The following DIPK1A variants were observed in gnomAD, a reference collection of about 807,000 sequenced individuals.
DIPK1A encodes family with sequence similarity 69 member A.
In DIPK1A, 27 loss-of-function variants were observed where a neutral mutation model predicts 40.8. The ratio of observed to expected loss-of-function variants is 0.66; its 90% CI spans 0.49 to 0.91. The LOEUF is 0.91. DIPK1A is among the 40% of genes least tolerant of loss of function. DIPK1A has a pLI of 0.00. For synonymous variants in DIPK1A, 166 were observed against 171.3 expected, an observed-to-expected ratio of 0.97 and a Z score of 0.24; for missense variants, 412 against 505.7, an observed-to-expected ratio of 0.81 and a Z score of 1.78.
chr1:92,925,038 CT>C (rs769183845), intron 1 of DIPK1A, among the ~76,000 whole-genome samples: 2 of 152,150 alleles, frequency 1.3e-5, no homozygotes, highest in Non-Finnish European at 2.9e-5. Flanking sequence ...TGGTCAAATG[CT>C]TTTTCTGTGT....
intron 1 of DIPK1A, among the ~76,000 whole-genome samples, chr1:92,890,603 G>A (rs1648820865): frequency 6.6e-6 from 1 of 152,282 alleles, no homozygotes; most frequent in South Asian, 2.1e-4. Flanking sequence ...TTCTGTTAAT[G>A]TGATGTATCA....
At chr1:92,959,681 G>A (rs1343082427) in intron 1 of DIPK1A, among the ~76,000 whole-genome samples, 2 of 151,248 alleles carry the variant, frequency 1.3e-5, no homozygotes, top group African/African-American at 4.9e-5. Flanking sequence ...TCGATCTCCT[G>A]ACCTCGTGAT....
At chr1:92,887,276 A>T (rs1401460588) in intron 1 of DIPK1A, among the ~76,000 whole-genome samples, 5 of 150,150 alleles carry the variant, frequency 3.3e-5, no homozygotes, top group African/African-American at 1.2e-4. Flanking sequence ...AAAAAAAAAA[A>T]TTAGCTAGGC....
chr1:92,859,830 A>G (rs1032014279), intron 2 of DIPK1A, among the ~76,000 whole-genome samples: 1 of 152,170 alleles, frequency 6.6e-6, no homozygotes, highest in African/African-American at 2.4e-5. Context: ...CAGCTTCCTA[A>G]GTAGCTAGGA....
chr1:92,925,485 G>T (rs992201053), intron 1 of DIPK1A, among the ~76,000 whole-genome samples: 5 of 151,754 alleles, frequency 3.3e-5, no homozygotes, highest in African/African-American at 7.3e-5. Flanking sequence ...AGTTTTTTGG[G>T]GTTTTTTTGT....
chr1:92,913,064 A>G (rs1649897750), intron 1 of DIPK1A, among the ~76,000 whole-genome samples: 1 of 152,190 alleles, frequency 6.6e-6, no homozygotes, highest in Admixed American at 6.5e-5. Flanking sequence ...CCTGAGTGAC[A>G]GAGTAAGACC....
At chr1:92,833,243 G>C (rs1686982457) in intron 4 of DIPK1A, 1 of 700,190 alleles carries the variant, frequency 1.4e-6, no homozygotes, top group African/African-American at 1.8e-5. Flanking sequence ...CTTGACCCTA[G>C]TTGCTTGTGA....
At chr1:92,934,202 T>C (rs2100878441) in intron 1 of DIPK1A, 1 of 152,320 alleles carries the variant, frequency 6.6e-6, no homozygotes, top group African/African-American at 2.4e-5. Context: ...TCTATTTCTA[T>C]GGTTTAAGAA....
At chr1:92,854,865 C>G (rs1687932469) in intron 2 of DIPK1A, among the ~76,000 whole-genome samples, 1 of 152,134 alleles carries the variant, frequency 6.6e-6, no homozygotes. Flanking sequence ...CATGTTTCTT[C>G]CTTGATGCAA....
At position 92,961,370 on chromosome 1, in the gene DIPK1A, G is replaced by A. The variant is rs1652085209; in HGVS notation, c.54+6C>T. ...GCAGCTGGTGGCTGGGCGGCCGCCG[G>A]CCTACCTGGAGGTAATAGGGTTTCC... On this transcript the variant is annotated splice_donor_region_variant and intron_variant, in intron 1 of 4. Coordinates refer to ENST00000370310, the MANE Select transcript of DIPK1A (RefSeq NM_001006605.5). 6.6e-7 allele frequency: 1 copy of A among 1,513,074 alleles called. No homozygotes were observed. Among genetic ancestry groups the A allele is most frequent in the South Asian group, 1.2e-5 (1 of 83,014 alleles). The allele number at this position is 1,513,074 out of a possible 1,614,324, so 93.7% of individuals were successfully genotyped here.
At chr1:92,867,102 T>A (rs1647582654) in intron 2 of DIPK1A, among the ~76,000 whole-genome samples, 1 of 152,186 alleles carries the variant, frequency 6.6e-6, no homozygotes, top group South Asian at 2.1e-4. Context: ...TACGACCACC[T>A]GATATGAAAG....
chr1:92,954,573 C>T (rs1048451521), intron 1 of DIPK1A, among the ~76,000 whole-genome samples: 1 of 151,654 alleles, frequency 6.6e-6, no homozygotes, highest in African/African-American at 2.4e-5. Flanking sequence ...CAGGGTTTCG[C>T]CACATTGGCC....
intron 2 of DIPK1A, among the ~76,000 whole-genome samples, chr1:92,866,348 C>T (rs1386770981): frequency 6.6e-6 from 1 of 152,162 alleles, no homozygotes; most frequent in Admixed American, 6.5e-5. Flanking sequence ...GTGATCCACC[C>T]GCCTCGGCCT....
At chr1:92,835,388 C>A (rs188279769) in intron 4 of DIPK1A, 308 of 218,958 alleles carry the variant, frequency 1.4e-3, no homozygotes, top group Non-Finnish European at 2.2e-3. Flanking sequence ...CGCGGTGGCT[C>A]ACACTTATAA....
chr1:92,935,743 A>G (rs1650921356), intron 1 of DIPK1A, among the ~76,000 whole-genome samples: 1 of 152,126 alleles, frequency 6.6e-6, no homozygotes, highest in African/African-American at 2.4e-5. Context: ...TGAGCAAAAA[A>G]AAAAAATCCC....
At chr1:92,957,464 T>C (rs1651899728) in intron 1 of DIPK1A, among the ~76,000 whole-genome samples, 2 of 152,220 alleles carry the variant, frequency 1.3e-5, no homozygotes, top group South Asian at 4.1e-4. Flanking sequence ...GAACTGTAAA[T>C]TAGCTTGCTT....
chr1:92,960,053 C>G (rs898362651), intron 1 of DIPK1A, among the ~76,000 whole-genome samples: 7 of 151,640 alleles, frequency 4.6e-5, no homozygotes, highest in African/African-American at 1.7e-4. Flanking sequence ...TCGCGCCTGG[C>G]CGGTAAGCTT....
chr1:92,925,196 A>G (rs751210662), intron 1 of DIPK1A, among the ~76,000 whole-genome samples: 3 of 152,188 alleles, frequency 2.0e-5, no homozygotes, highest in Non-Finnish European at 4.4e-5. Context: ...GCTGGATTCA[A>G]TTTGTTAATA....
At chr1:92,878,752 C>T (rs1327683002) in intron 1 of DIPK1A, among the ~76,000 whole-genome samples, 4 of 151,988 alleles carry the variant, frequency 2.6e-5, no homozygotes, top group Admixed American at 1.3e-4. Context: ...CCCCGGGGGG[C>T]GGAGCCTGCA....
Sources: gnomAD v4.1 joint callset for allele counts (sites outside exome capture counted in the v4.1 genomes callset) on GRCh38, gnomAD v4.1.1 for gene constraint, MANE v1.5 for transcripts, NCBI Gene and HGNC (gene_info 2026-07-23, HGNC 2026-07-21) for gene names.